Variants in KANK1 observed in about 807,000 individuals in gnomAD.
The protein encoded by KANK1 is KN motif and ankyrin repeat domain-containing protein 1.
KANK1 carries 109 observed loss-of-function variants against 106.2 expected under a neutral mutation model. The observed-to-expected ratio is 1.03, with a 90% CI of 0.88 to 1.20. The LOEUF is 1.20. Ranked by LOEUF, KANK1 falls within the 50% of genes most tolerant of loss-of-function variation. The pLI is 0.00. For synonymous variants in KANK1, 873 were observed against 652.2 expected (o/e 1.34, Z -5.16); for missense variants, 2,399 against 1,710.7 (o/e 1.40, Z -7.10).
chr9:642,815 G>T (rs559681779), intron 1 of KANK1, among the ~76,000 whole-genome samples: 1 of 149,394 alleles, frequency 6.7e-6, no homozygotes, highest in African/African-American at 2.5e-5. Flanking sequence ...AAGAAAGTTA[G>T]TCCTTCCTTT....
intron 3 of KANK1, among the ~76,000 whole-genome samples, chr9:483,165 T>C (rs947617235): frequency 1.3e-5 from 2 of 152,164 alleles, no homozygotes; most frequent in Admixed American, 6.5e-5. Flanking sequence ...ATCATAGATA[T>C]GTATGTATAG....
chr9:608,028 A>ATTTTTTTTTTTTTT (rs1326986665), intron 1 of KANK1, among the ~76,000 whole-genome samples: 4 of 84,384 alleles, frequency 4.7e-5, no homozygotes, highest in African/African-American at 1.9e-4. Context: ...TATTATTATT[A>ATTTTTTTTTTTTTT]TTATTATTTT....
chr9:510,563 C>G (rs2058984995), intron 1 of KANK1, among the ~76,000 whole-genome samples: 1 of 152,176 alleles, frequency 6.6e-6, no homozygotes, highest in Non-Finnish European at 1.5e-5. Flanking sequence ...AGGGAGCAGA[C>G]ATCACTAAAG....
chr9:623,617 GAAAAA>G, intron 1 of KANK1, among the ~76,000 whole-genome samples: 1 of 133,276 alleles, frequency 7.5e-6, no homozygotes, highest in South Asian at 2.6e-4. Flanking sequence ...AAAAAAAAAA[GAAAAA>G]GAAAAAAAAA....
At position 745,342 on chromosome 9, in the gene KANK1, A is replaced by C; in HGVS notation, c.*107A>C. The C allele has an allele frequency of 7.1e-7, 1 of 1,411,656 alleles. No individual in the cohort carries two copies. Among genetic ancestry groups the C allele is most frequent in the Non-Finnish European group, 1.0e-6 (1 of 1,003,836 alleles). The allele number at this position is 1,411,656 out of a possible 1,614,324, so 87.4% of individuals were successfully genotyped here. A position where few individuals can be genotyped will look rare whatever the true frequency, so the allele number is the denominator to read the frequency against. The stretch of plus-strand genomic sequence containing the variant: ...ACGTATTGTGCCTGAGCTCACCAGC[A>C]AACAGAAGCATCAAGCCCAGGGGTA... On this transcript the variant is annotated 3_prime_UTR_variant, in exon 12 of 12. Coordinates refer to ENST00000382297, the MANE Select transcript of KANK1 (RefSeq NM_015158.5).
At chr9:482,572 C>T (rs1194896132) in intron 3 of KANK1, among the ~76,000 whole-genome samples, 6 of 152,278 alleles carry the variant, frequency 3.9e-5, no homozygotes, top group Middle Eastern at 3.4e-3. Flanking sequence ...ATACAACTAA[C>T]GGGCATGGAT....
chr9:533,556 A>G (rs921943015), intron 1 of KANK1, among the ~76,000 whole-genome samples: 3 of 152,174 alleles, frequency 2.0e-5, no homozygotes, highest in African/African-American at 7.2e-5. Context: ...AGACCATCTG[A>G]TTTTTATTTG....
At chr9:709,436 C>T (rs887068798) in intron 2 of KANK1, among the ~76,000 whole-genome samples, 2 of 152,178 alleles carry the variant, frequency 1.3e-5, no homozygotes, top group African/African-American at 4.8e-5. Flanking sequence ...GCAGGGACAT[C>T]TCATCCCAGG....
intron 8 of KANK1, among the ~76,000 whole-genome samples, chr9:739,772 G>A (rs970748910): frequency 6.6e-6 from 1 of 151,940 alleles, no homozygotes; most frequent in African/African-American, 2.4e-5. Context: ...TATCTTAATG[G>A]TTACTGCTCC....
At chr9:563,746 C>T (rs1048858842) in intron 1 of KANK1, among the ~76,000 whole-genome samples, 1 of 152,144 alleles carries the variant, frequency 6.6e-6, no homozygotes, top group African/African-American at 2.4e-5. Flanking sequence ...CTCAAAATTG[C>T]TCTATGGTTC....
At chr9:625,507 C>T (rs1417910351) in intron 1 of KANK1, among the ~76,000 whole-genome samples, 1 of 151,940 alleles carries the variant, frequency 6.6e-6, no homozygotes, top group African/African-American at 2.4e-5. Flanking sequence ...CAGGAAACTT[C>T]TGGGTTGGGC....
At chr9:744,181 T>TTCATAATTA (rs1024199457) in intron 10 of KANK1, among the ~76,000 whole-genome samples, 1 of 124,662 alleles carries the variant, frequency 8.0e-6, no homozygotes, top group Non-Finnish European at 1.7e-5. Context: ...TGCCTGGTCA[T>TTCATAATTA]TCATAATTAA....
At chr9:584,223 A>G (rs543580858) in intron 1 of KANK1, among the ~76,000 whole-genome samples, 52 of 152,320 alleles carry the variant, frequency 3.4e-4, no homozygotes, top group African/African-American at 9.4e-4. Context: ...CAGAATTTCT[A>G]TCAGAATAAG....
At chr9:661,934 T>C (rs1287452067) in intron 1 of KANK1, among the ~76,000 whole-genome samples, 1 of 152,182 alleles carries the variant, frequency 6.6e-6, no homozygotes, top group Non-Finnish European at 1.5e-5. Flanking sequence ...TTTTGAGAAG[T>C]GTCTGTTCAT....
chr9:713,090 A>G lies in KANK1; in HGVS notation c.2324A>G (p.Lys775Arg), dbSNP rs772013057. The G allele has an allele frequency of 6.2e-7, 1 of 1,613,358 alleles. No individual in the cohort carries two copies. The highest frequency in any genetic ancestry group is 1.7e-5 in the Admixed American group (1 of 60,010). ...NINDNYLVGL[K>R]MRTIACGPPQ... The stretch of plus-strand genomic sequence containing the variant: ...AACGACAACTATCTGGTTGGTCTCA[A>G]AATGAGGACTATAGCTTGTGGGCCA... Residue 775 changes from lysine (K) to arginine (R), a missense_variant, in exon 3 of 12, where the codon AAA (lysine) becomes AGA (arginine). Transcript: ENST00000382297.
rs571028415 is a variant in KANK1 at position 612,821 on chromosome 9, G to A, written c.-83-64069G>A. ...TTTCGAACCCCAGTTTAGACCAGCA[G>A]CAGCTCTCCTAATGGGGAGTCAAGA... On this transcript the variant is annotated intron_variant, in intron 1 of 11. Transcript: ENST00000382297. 4.6e-5 allele frequency among the ~76,000 whole-genome samples: 7 copies of A among 152,242 alleles called. No individual in the cohort carries two copies. In the East Asian group the frequency reaches 7.7e-4, roughly 17 times the overall value.
chr9:507,199 A>T (rs1012274931), intron 1 of KANK1, among the ~76,000 whole-genome samples: 1 of 151,736 alleles, frequency 6.6e-6, no homozygotes. Context: ...CAAAAAAAAT[A>T]AAAAATAACC....
chr9:507,853 T>C (rs2058837613), intron 1 of KANK1, among the ~76,000 whole-genome samples: 1 of 151,168 alleles, frequency 6.6e-6, no homozygotes, highest in South Asian at 2.1e-4. Context: ...ACCATGCCAG[T>C]TTTTGTATTT....
intron 1 of KANK1, among the ~76,000 whole-genome samples, chr9:561,092 C>G (rs1038053966): frequency 6.6e-6 from 1 of 152,026 alleles, no homozygotes; most frequent in African/African-American, 2.4e-5. Flanking sequence ...GAGGGTAAGC[C>G]AGGGAAATAA....
Sources: allele counts gnomAD v4.1 joint callset (sites outside exome capture counted in the v4.1 genomes callset), GRCh38; gene constraint gnomAD v4.1.1; transcripts MANE v1.5; gene names NCBI Gene and HGNC (gene_info 2026-07-23, HGNC 2026-07-21).